The following MKNK1 variants were observed in gnomAD, a reference collection of about 807,000 sequenced individuals.
MKNK1 encodes MAP kinase-interacting serine/threonine-protein kinase 1.
A neutral mutation model predicts 49.3 loss-of-function variants in MKNK1; 30 were observed. The ratio of observed to expected loss-of-function variants is 0.61; its 90% CI spans 0.46 to 0.83. The LOEUF (loss-of-function observed/expected upper bound fraction) is 0.83, where lower values mean the gene tolerates loss of function less well. MKNK1 is among the 40% of genes least tolerant of loss of function. The pLI, the probability that MKNK1 is intolerant of heterozygous loss-of-function variation, is 0.00. For synonymous variants in MKNK1, 176 were observed against 201.7 expected, an observed-to-expected ratio of 0.87 and a Z score of 1.08; for missense variants, 423 against 524.7, an observed-to-expected ratio of 0.81 and a Z score of 1.89.
At chr1:46,591,734 T>C (rs1673370087) in intron 2 of MKNK1, among the ~76,000 whole-genome samples, 1 of 152,198 alleles carries the variant, frequency 6.6e-6, no homozygotes, top group South Asian at 2.1e-4. Context: ...ATGAAACTAG[T>C]GGCTAGTTTC....
intron 6 of MKNK1, chr1:46,574,100 T>G (rs1386195442): frequency 6.6e-6 from 1 of 152,222 alleles, no homozygotes; most frequent in Non-Finnish European, 1.5e-5. Flanking sequence ...CAGCCAACAT[T>G]TATTGGGCCC....
chr1:46,561,674 C>A, intron 10 of MKNK1, 32 bp from the exon 11 acceptor site: 2 of 1,609,084 alleles, frequency 1.2e-6, no homozygotes, highest in Non-Finnish European at 1.7e-6. Flanking sequence ...TGAGGCCACA[C>A]TGCCAGGGAT....
chr1:46,562,375 G>A (rs1311293021), intron 10 of MKNK1, among the ~76,000 whole-genome samples: 1 of 124,712 alleles, frequency 8.0e-6, no homozygotes, highest in African/African-American at 3.1e-5. Flanking sequence ...CAGCCTGGGC[G>A]ACAGAGAGAG....
In MKNK1 at chr1:46,568,458, A is replaced by T; in HGVS notation, c.498T>A (p.Cys166Ter). Residue 166 changes from cysteine (C) to a stop codon, truncating the protein, a stop_gained, in exon 8 of 13, where the codon TGT becomes TGA. Coordinates refer to ENST00000371945, the MANE Select transcript of MKNK1 (RefSeq NM_001135553.4). LOFTEE classifies it high-confidence loss of function. Reference sequence around the variant, plus strand: ...CCCAAAGTACCTTTTCTGGAGATTCACACAATATATTTTCTGGTTTCAGAT... The same window carrying T: ...CCCAAAGTACCTTTTCTGGAGATTCTCACAATATATTTTCTGGTTTCAGAT... ...HRDLKPENIL[C>*]ESPEKVSPVK... 6.2e-7 allele frequency: 1 copy of T among 1,614,190 alleles called. No homozygotes were observed. Among genetic ancestry groups the T allele is most frequent in the Non-Finnish European group, 8.5e-7 (1 of 1,180,030 alleles).
At position 46,592,337 on chromosome 1, in the gene MKNK1, A is replaced by G. The variant is rs939118601; in HGVS notation, c.-3+1776T>C. ...CATCACCACCTTGACCAAGGCACCAACAGTCTTACTCATTGTTGCTTTCCA... is the reference window on the plus strand; with the variant it reads ...CATCACCACCTTGACCAAGGCACCAGCAGTCTTACTCATTGTTGCTTTCCA... On this transcript the variant is annotated intron_variant, in intron 2 of 12. Coordinates refer to ENST00000371945, the MANE Select transcript of MKNK1 (RefSeq NM_001135553.4). Among the ~76,000 whole-genome samples, 6 of 152,254 alleles carry G rather than the reference A, an allele frequency of 3.9e-5. No individual in the cohort carries two copies. The East Asian group carries it at 9.6e-4, about 24-fold the overall frequency.
intron 2 of MKNK1, chr1:46,585,787 C>A: frequency 1.5e-6 from 1 of 672,334 alleles, no homozygotes; most frequent in South Asian, 1.3e-5. Context: ...GCTGAGGGAG[C>A]CGCTTGCACG....
rs1478314857 is a variant in MKNK1, at chr1:46,589,501, T to C, written c.-3+4612A>G. On this transcript the variant is annotated intron_variant, in intron 2 of 12. Transcript: ENST00000371945. This position sits in a 1 kb window ranked among gnomAD's most constrained non-coding sequence, Gnocchi z 4.3. ...ATCGTCATCGATGATAATAAATGTC[T>C]CCATTCCTAGGCATACGTTTATCTT... Among the ~76,000 whole-genome samples, 1 of 152,188 alleles carries C rather than the reference T, an allele frequency of 6.6e-6. No individual in the cohort carries two copies. Among genetic ancestry groups the C allele is most frequent in the Non-Finnish European group, 1.5e-5 (1 of 68,026 alleles).
chr1:46,561,988 C>A (rs775457503), intron 10 of MKNK1, among the ~76,000 whole-genome samples: 6 of 152,178 alleles, frequency 3.9e-5, no homozygotes, highest in South Asian at 2.1e-4. Context: ...ACCTACTACT[C>A]CACTCTTCCT....
At chr1:46,564,465 T>G (rs1477699951) in intron 9 of MKNK1, among the ~76,000 whole-genome samples, 1 of 107,312 alleles carries the variant, frequency 9.3e-6, no homozygotes, top group Non-Finnish European at 1.9e-5. Context: ...TTTTTTTTAT[T>G]GTTTTTTTTT....
chr1:46,558,612 C>T lies in MKNK1; in HGVS notation c.1202G>A (p.Gly401Asp), dbSNP rs376764283. Residue 401 changes from glycine to aspartate, a missense_variant, in exon 13 of 13, where the codon GGC becomes GAC. Transcript: ENST00000371945. ...LARRRALAQA[G>D]RGEDRSPPTA... ...GGGCGGGCTCCTGTCTTCACCACGG[C>T]CTGCCTGGGCCAGGGCCCGTCTCCG... 40 of 1,613,530 alleles carry T rather than the reference C, an allele frequency of 2.5e-5. No homozygotes were observed. The highest frequency in any genetic ancestry group is 3.1e-5 in the Non-Finnish European group (37 of 1,179,752).
At chr1:46,566,718 G>T (rs1290541373) in intron 8 of MKNK1, among the ~76,000 whole-genome samples, 5 of 152,156 alleles carry the variant, frequency 3.3e-5, no homozygotes, top group Non-Finnish European at 5.9e-5. Context: ...GTTTTGACTT[G>T]CATTTCCCTA....
intron 1 of MKNK1, among the ~76,000 whole-genome samples, chr1:46,600,549 A>G (rs1674598216): frequency 1.3e-5 from 2 of 152,202 alleles, no homozygotes; most frequent in Admixed American, 6.5e-5. Context: ...CATTCTTCCA[A>G]TACACTCTGG....
intron 3 of MKNK1, among the ~76,000 whole-genome samples, chr1:46,581,404 G>A (rs1374069166): frequency 1.3e-5 from 2 of 151,442 alleles, no homozygotes; most frequent in Non-Finnish European, 2.9e-5. Context: ...CAGCTATTTC[G>A]GGGGCTGAGG....
chr1:46,579,241 A>T (rs1312441819), intron 4 of MKNK1, among the ~76,000 whole-genome samples: 1 of 152,262 alleles, frequency 6.6e-6, no homozygotes, highest in African/African-American at 2.4e-5. Context: ...AAGTTGGTTC[A>T]AAGAAGAGAA....
chr1:46,594,030 A>T, intron 2 of MKNK1, 83 bp downstream of exon 2: 1 of 1,092,738 alleles, frequency 9.2e-7, no homozygotes, highest in Non-Finnish European at 1.4e-6. Context: ...ACGGTCTCTT[A>T]CCCGCCCTTT....
chr1:46,564,207 C>T (rs886595412), intron 9 of MKNK1, among the ~76,000 whole-genome samples: 2 of 152,018 alleles, frequency 1.3e-5, no homozygotes, highest in Non-Finnish European at 2.9e-5. Flanking sequence ...ATCAGAGAAG[C>T]AAACAGGCTA....
chr1:46,585,966 T>C, intron 2 of MKNK1: 4 of 1,358,718 alleles, frequency 2.9e-6, no homozygotes, highest in Non-Finnish European at 3.9e-6. Flanking sequence ...TGGAGAGTTG[T>C]TTCTGAAACT....
At chr1:46,561,134 C>G (rs1240172094) in intron 11 of MKNK1, among the ~76,000 whole-genome samples, 1 of 152,216 alleles carries the variant, frequency 6.6e-6, no homozygotes, top group East Asian at 1.9e-4. Flanking sequence ...TTGCTCACTT[C>G]TGGGTGTCCT....
In MKNK1 at chr1:46,572,305, C is replaced by T. The variant is rs187911837; in HGVS notation, c.353-138G>A. ...CTCGGCTCACTGCAACCTCCGCCTC[C>T]GGGTTCAAGCGATTCTCCTGTCTCA... On this transcript the variant is annotated intron_variant, in intron 6 of 12. Coordinates refer to ENST00000371945, the MANE Select transcript of MKNK1 (RefSeq NM_001135553.4). The T allele has an allele frequency of 6.8e-4, 398 of 586,840 alleles. 2 individuals carry two copies. Among genetic ancestry groups the T allele is most frequent in the African/African-American group, 4.7e-3 (249 of 53,188 alleles). 36.4% of individuals were successfully genotyped at this position (586,840 alleles called of 1,614,324 possible). A position where few individuals can be genotyped will look rare whatever the true frequency, so the allele number is the denominator to read the frequency against.
Sources: gnomAD v4.1 joint callset for allele counts (sites outside exome capture counted in the v4.1 genomes callset) on GRCh38, gnomAD v4.1.1 for gene constraint, Gnocchi (gnomAD v3.1) non-coding constraint, MANE v1.5 for transcripts, NCBI Gene and HGNC (gene_info 2026-07-23, HGNC 2026-07-21) for gene names.